The following ACSF3 variants were observed in gnomAD, a reference collection of about 807,000 sequenced individuals.
The protein encoded by ACSF3 is acyl-CoA synthetase family member 3.
Under a neutral mutation model 53.2 loss-of-function variants are expected in ACSF3, and 78 were observed. The observed-to-expected ratio is 1.47, with a 90% CI of 1.22 to 1.77. The LOEUF is 1.77. Among genes scored for constraint, ACSF3 ranks in the 40% most tolerant of loss-of-function variants. The pLI is 0.00. For missense variants in ACSF3, 937 were observed against 771.1 expected, an observed-to-expected ratio of 1.22 and a Z score of -2.55; for synonymous variants, 414 against 333.1, an observed-to-expected ratio of 1.24 and a Z score of -2.65.
rs1907796274 is a variant in ACSF3, at chr16:89,125,359, A to G, written c.1239+4446A>G. On this transcript the variant is annotated intron_variant, in intron 7 of 10. Transcript: ENST00000614302. ...ACTCTGTCTCAAAAAAAAAAAAAAA[A>G]GAATTAGCTTGTCTATATCTACAAA... Among the ~76,000 whole-genome samples the G allele has an allele frequency of 2.0e-5, 3 of 151,144 alleles. No homozygotes were observed. In the South Asian group the frequency reaches 6.3e-4, roughly 32 times the overall value.
At position 89,154,744 on chromosome 16, in the gene ACSF3, G is replaced by T. The variant is rs150142198; in HGVS notation, c.*537G>T. On this transcript the variant is annotated 3_prime_UTR_variant, in exon 11 of 11. Transcript: ENST00000614302. ...GAACCAGCCCTGTCCCATGGGTTCC[G>T]TGCATTTCCTGGTGCTGCTCTTGGA... 5.5e-5 allele frequency: 25 copies of T among 454,004 alleles called. No homozygotes were observed. Among genetic ancestry groups the T allele is most frequent in the African/African-American group, 4.8e-4 (24 of 49,990 alleles). The allele number at this position is 454,004 out of a possible 1,614,324, so 28.1% of individuals were successfully genotyped here. A position where few individuals can be genotyped will look rare whatever the true frequency, so the allele number is the denominator to read the frequency against.
intron 4 of ACSF3, among the ~76,000 whole-genome samples, chr16:89,104,215 G>A (rs148597375): frequency 6.6e-6 from 1 of 152,344 alleles, no homozygotes; most frequent in East Asian, 1.9e-4. Context: ...TAATGAATAT[G>A]CCTTTTATTC....
chr16:89,097,531 C>T (rs939173071), intron 1 of ACSF3, among the ~76,000 whole-genome samples: 1 of 152,240 alleles, frequency 6.6e-6, no homozygotes, highest in African/African-American at 2.4e-5. Flanking sequence ...TGTGTGGATT[C>T]TCCTTGTTTC....
chr16:89,120,726 G>A (rs1166407244), intron 6 of ACSF3, 75 bp from the exon 7 acceptor site: 16 of 1,424,604 alleles, frequency 1.1e-5, no homozygotes, highest in South Asian at 9.2e-5. Context: ...AGCGGGATCC[G>A]AGCTCAGTGT....
chr16:89,109,215 G>C (rs1181718943), intron 4 of ACSF3, among the ~76,000 whole-genome samples: 3 of 124,830 alleles, frequency 2.4e-5, no homozygotes, highest in African/African-American at 9.3e-5. Context: ...CTGGGCAACA[G>C]AGCAAGACTG....
intron 7 of ACSF3, among the ~76,000 whole-genome samples, chr16:89,131,634 T>C (rs1909346399): frequency 6.6e-6 from 1 of 152,254 alleles, no homozygotes; most frequent in African/African-American, 2.4e-5. Flanking sequence ...TGTGACTTGG[T>C]TGGCTTAACT....
chr16:89,139,504 T>C (rs1163644754), intron 8 of ACSF3, among the ~76,000 whole-genome samples: 1 of 151,952 alleles, frequency 6.6e-6, no homozygotes, highest in African/African-American at 2.4e-5. Context: ...TAGAAGTCGC[T>C]TCTCTATCAT....
chr16:89,101,159 G>C lies in ACSF3; in HGVS notation c.478G>C (p.Val160Leu), dbSNP rs939919501. 2 of 1,613,410 alleles carry C rather than the reference G, an allele frequency of 1.2e-6. No individual in the cohort carries two copies. Among genetic ancestry groups the C allele is most frequent in the Non-Finnish European group, 1.7e-6 (2 of 1,179,780 alleles). The change falls in exon 3 of 11, where the codon GTC (valine) becomes CTC (leucine). Residue 160 changes from valine (V) to leucine (L), a missense_variant. Val to Leu is a conservative substitution (Grantham distance 32, BLOSUM62 1). Coordinates refer to ENST00000614302, the MANE Select transcript of ACSF3 (RefSeq NM_001243279.3). ...QEYLELLSPV[V>L]RKLGVPLLPL... ...GTACCTGGAGCTCCTGAGCCCGGTG[G>C]TCAGGAAGCTGGGGGTCCCGCTGCT...
chr16:89,152,473 T>A (rs967355153), intron 10 of ACSF3: 7 of 152,226 alleles, frequency 4.6e-5, no homozygotes, highest in African/African-American at 1.4e-4. Flanking sequence ...CCAGGCATGG[T>A]GGTATGCGCC....
At chr16:89,137,798 C>T (rs1032645419) in intron 8 of ACSF3, among the ~76,000 whole-genome samples, 2 of 152,164 alleles carry the variant, frequency 1.3e-5, no homozygotes, top group African/African-American at 2.4e-5. Flanking sequence ...CCCCATCCCC[C>T]AAGGTTGAAC....
chr16:89,128,554 C>T (rs186367400), intron 7 of ACSF3, among the ~76,000 whole-genome samples: 221 of 152,332 alleles, frequency 1.5e-3, no homozygotes, highest in African/African-American at 5.1e-3. Context: ...GCCACCACGC[C>T]TGACCTAAAT....
chr16:89,114,261 G>A, intron 5 of ACSF3, 78 bp from the exon 6 acceptor site: 5 of 1,602,276 alleles, frequency 3.1e-6, no homozygotes, highest in Non-Finnish European at 4.3e-6. Flanking sequence ...GCCGCCTCCT[G>A]AGGGGCTAAA....
chr16:89,107,669 G>A (rs1976171741), intron 4 of ACSF3, among the ~76,000 whole-genome samples: 1 of 152,210 alleles, frequency 6.6e-6, no homozygotes, highest in Admixed American at 6.5e-5. Flanking sequence ...AGAAGTCACG[G>A]TTGCTATGAA....
chr16:89,143,903 G>A (rs573407504), intron 8 of ACSF3, among the ~76,000 whole-genome samples: 8 of 152,278 alleles, frequency 5.3e-5, no homozygotes, highest in East Asian at 1.9e-4. Flanking sequence ...GCCTTTCTGC[G>A]TCCAACAGCA....
rs201113468 is a variant in ACSF3 at position 89,100,951 on chromosome 16, C to T, written c.270C>T (p.Gly90=). 27 of 1,613,592 alleles carry T rather than the reference C, an allele frequency of 1.7e-5. No individual in the cohort carries two copies. The South Asian group carries it at 2.0e-4, about 12-fold the overall frequency. ...TCTGCAGGCTCTGCGGGTGTGTCGG[C>T]GGGGACCTCCGGGAGGAGAGGGTCT... ...QEICRLCGCV[G]GDLREERVSF... is the part of the protein sequence containing the mutation. The change falls in exon 3 of 11, where the codon GGC becomes GGT. Residue 90 remains glycine, a synonymous_variant. Transcript: ENST00000614302.
intron 7 of ACSF3, among the ~76,000 whole-genome samples, chr16:89,125,506 C>T (rs1907825832): frequency 6.6e-6 from 1 of 151,790 alleles, no homozygotes; most frequent in Non-Finnish European, 1.5e-5. Context: ...CCAGCCTGGC[C>T]AACATGGTAA....
intron 4 of ACSF3, among the ~76,000 whole-genome samples, chr16:89,103,616 G>T (rs187147413): frequency 1.3e-5 from 2 of 152,252 alleles, no homozygotes; most frequent in African/African-American, 2.4e-5. Context: ...CACATTCGGG[G>T]TGTAGGGCGT....
rs370968781 is a variant in ACSF3 at position 89,101,080 on chromosome 16, G to A, written c.399G>A (p.Gln133=). ...VPLYRKHPAA[Q]LEYVICDSQS... Reference sequence around the variant, plus strand: ...TCTACAGGAAGCATCCCGCGGCCCAGCTGGAGTATGTCATCTGCGACTCCC... The same window carrying A: ...TCTACAGGAAGCATCCCGCGGCCCAACTGGAGTATGTCATCTGCGACTCCC... The change falls in exon 3 of 11, where the codon CAG becomes CAA. Residue 133 remains glutamine, a synonymous_variant. Transcript: ENST00000614302. The A allele has an allele frequency of 9.3e-6, 15 of 1,613,990 alleles. No individual in the cohort carries two copies. Among genetic ancestry groups the A allele is most frequent in the Non-Finnish European group, 1.2e-5 (14 of 1,180,032 alleles).
chr16:89,102,223 T>C (rs1322152236), intron 3 of ACSF3: 9 of 357,892 alleles, frequency 2.5e-5, no homozygotes, highest in African/African-American at 4.2e-5. Flanking sequence ...GGCAGTGCTG[T>C]CACCTGAGCC....
Sources: allele counts gnomAD v4.1 joint callset (sites outside exome capture counted in the v4.1 genomes callset), GRCh38; gene constraint gnomAD v4.1.1; transcripts MANE v1.5; gene names NCBI Gene and HGNC (gene_info 2026-07-23, HGNC 2026-07-21).